SLC12A3: variants seen among roughly 807,000 people sequenced by gnomAD.
SLC12A3 encodes Na-Cl cotransporter.
A neutral mutation model predicts 121.0 loss-of-function variants in SLC12A3; 104 were observed. The observed-to-expected ratio is 0.86, with a 90% CI of 0.73 to 1.01. The LOEUF (loss-of-function observed/expected upper bound fraction) is 1.01, where lower values mean the gene tolerates loss of function less well. Among genes scored for constraint, SLC12A3 ranks in the 50% least tolerant of loss-of-function variants. The pLI is 0.00. For missense variants in SLC12A3, 1,328 were observed against 1,356.3 expected (o/e 0.98, Z 0.33); for synonymous variants, 536 against 533.4 (o/e 1.00, Z -0.07).
At chr16:56,874,457 C>T (rs1457719689) in intron 8 of SLC12A3, among the ~76,000 whole-genome samples, 1 of 152,140 alleles carries the variant, frequency 6.6e-6, no homozygotes, top group Non-Finnish European at 1.5e-5. Context: ...CCCAAACCTC[C>T]AGTCTCATTT....
At chr16:56,888,891 A>G (rs1040385024) in intron 18 of SLC12A3, among the ~76,000 whole-genome samples, 4 of 152,118 alleles carry the variant, frequency 2.6e-5, no homozygotes, top group Non-Finnish European at 5.9e-5. Context: ...GTAACTGCAA[A>G]TGTGAGTTTT....
chr16:56,873,571 A>G (rs2055129957), intron 8 of SLC12A3, among the ~76,000 whole-genome samples: 2 of 149,510 alleles, frequency 1.3e-5, no homozygotes, highest in Admixed American at 1.3e-4. Flanking sequence ...ATTTTTTAGT[A>G]GAGATGGAGT....
intron 22 of SLC12A3, 145 bp downstream of exon 22, chr16:56,894,787 C>T: frequency 1.5e-6 from 1 of 659,276 alleles, no homozygotes; most frequent in Non-Finnish European, 2.7e-6. Context: ...CAGCTCTCTC[C>T]AGGCCATGGC....
At chr16:56,912,390 G>A (rs1295350639) in intron 25 of SLC12A3, among the ~76,000 whole-genome samples, 1 of 152,232 alleles carries the variant, frequency 6.6e-6, no homozygotes, top group Non-Finnish European at 1.5e-5. Context: ...ACGCAGCATT[G>A]CACAGTTAAG....
chr16:56,895,108 G>C (rs12446275), intron 22 of SLC12A3, among the ~76,000 whole-genome samples: 14,356 of 151,212 alleles, frequency 0.095, 879 homozygotes, highest in Middle Eastern at 0.16. Context: ...CAAGGCAGCT[G>C]GATCCAGGAG....
At chr16:56,870,022 G>A (rs1431885052) in intron 4 of SLC12A3, 74 bp from the exon 5 acceptor site, 3 of 1,589,296 alleles carry the variant, frequency 1.9e-6, no homozygotes, top group African/African-American at 2.7e-5. Flanking sequence ...CCCTCTCCTG[G>A]CCTCTGCCTG....
intron 22 of SLC12A3, among the ~76,000 whole-genome samples, chr16:56,898,474 G>A (rs2055495290): frequency 6.6e-6 from 1 of 152,130 alleles, no homozygotes; most frequent in Admixed American, 6.5e-5. Flanking sequence ...TAATCAGGAT[G>A]GTCTTGATCT....
rs1323758868 is a variant in SLC12A3, at chr16:56,868,390, G to A, written c.505+18G>A. 1 of 1,605,482 alleles carries A rather than the reference G, an allele frequency of 6.2e-7. No homozygotes were observed. Among genetic ancestry groups the A allele is most frequent in the Non-Finnish European group, 8.5e-7 (1 of 1,175,146 alleles). On this transcript the variant is annotated intron_variant, in intron 3 of 25. Coordinates refer to ENST00000563236, the MANE Select transcript of SLC12A3 (RefSeq NM_001126108.2). ...AGGCATCGGTGAGTGCCCCTCTGGG[G>A]AAGAGGAGGGAGGGCTTGCCTGAAT...
At chr16:56,865,650 C>A in intron 1 of SLC12A3, 133 bp downstream of exon 1, 2 of 990,254 alleles carry the variant, frequency 2.0e-6, no homozygotes, top group Non-Finnish European at 3.1e-6. Context: ...GGTTGAGAGG[C>A]CCCAGTGAAA....
At position 56,878,176 on chromosome 16, in the gene SLC12A3, C is replaced by G; in HGVS notation, c.1180+15C>G. 6.3e-7 allele frequency: 1 copy of G among 1,599,278 alleles called. No individual in the cohort carries two copies. Among genetic ancestry groups the G allele is most frequent in the Non-Finnish European group, 8.6e-7 (1 of 1,169,024 alleles). On this transcript the variant is annotated intron_variant, in intron 9 of 25. Coordinates refer to ENST00000563236, the MANE Select transcript of SLC12A3 (RefSeq NM_001126108.2). The stretch of plus-strand genomic sequence containing the variant: ...AGCCACCATTGGTAAGTGGCCGGCC[C>G]AGCCAGTCAGGAGGGGGAGGGACCT...
At chr16:56,879,972 G>A (rs1283249251) in intron 11 of SLC12A3, among the ~76,000 whole-genome samples, 158 bp from the exon 12 acceptor site, 2 of 152,112 alleles carry the variant, frequency 1.3e-5, no homozygotes, top group Non-Finnish European at 2.9e-5. Flanking sequence ...CGGGGAGGGT[G>A]GAGGGGGTGA....
intron 20 of SLC12A3, 139 bp from the exon 21 acceptor site, chr16:56,892,814 C>A: frequency 1.5e-6 from 1 of 685,674 alleles, no homozygotes. Context: ...CAGCACTGAG[C>A]GTCCTGGGCC....
rs1567427646 is a variant in SLC12A3 at position 56,870,641 on chromosome 16, A to G, written c.757A>G (p.Ile253Val). The G allele has an allele frequency of 6.2e-6, 10 of 1,609,178 alleles. No individual in the cohort carries two copies. The highest frequency in any genetic ancestry group is 7.7e-6 in the Non-Finnish European group (9 of 1,175,518). The change falls in exon 6 of 26, where the codon ATC becomes GTC. Residue 253 changes from isoleucine (I) to valine (V), a missense_variant. Ile to Val is a conservative substitution (Grantham distance 29). Coordinates refer to ENST00000563236, the MANE Select transcript of SLC12A3 (RefSeq NM_001126108.2). ...RDLLQEYGAP[I>V]VDPINDIRII... ...CCCTCCCCAGGAGTATGGGGCACCC[A>G]TCGTGGACCCCATTAACGACATCCG...
At chr16:56,870,803 G>T (rs2055085726) in intron 6 of SLC12A3, 67 bp downstream of exon 6, 2 of 925,238 alleles carry the variant, frequency 2.2e-6, no homozygotes, top group Non-Finnish European at 3.6e-6. Context: ...TGCCAGGCCT[G>T]GGCCCTCCCT....
chr16:56,882,007 C>T (rs898762650), intron 12 of SLC12A3, among the ~76,000 whole-genome samples: 15 of 151,342 alleles, frequency 9.9e-5, no homozygotes, highest in African/African-American at 3.6e-4. Flanking sequence ...CGAGATCACG[C>T]CACTGCACTC....
chr16:56,892,700 A>G (rs191333606), intron 20 of SLC12A3, among the ~76,000 whole-genome samples: 1 of 152,212 alleles, frequency 6.6e-6, no homozygotes, highest in East Asian at 1.9e-4. Flanking sequence ...GGGAATGGAG[A>G]GTGCACTTCC....
intron 8 of SLC12A3, among the ~76,000 whole-genome samples, chr16:56,873,603 G>T (rs2055130196): frequency 6.6e-6 from 1 of 151,540 alleles, no homozygotes; most frequent in Non-Finnish European, 1.5e-5. Flanking sequence ...GGCCAGGCTG[G>T]TCTCAAACTC....
At chr16:56,873,921 A>G (rs1414638251) in intron 8 of SLC12A3, among the ~76,000 whole-genome samples, 3 of 152,090 alleles carry the variant, frequency 2.0e-5, no homozygotes, top group Non-Finnish European at 2.9e-5. Context: ...CATGTTGGCC[A>G]GGCTGGTCTC....
intron 22 of SLC12A3, among the ~76,000 whole-genome samples, chr16:56,894,855 C>A (rs1483447187): frequency 6.6e-6 from 1 of 152,106 alleles, no homozygotes; most frequent in Non-Finnish European, 1.5e-5. Context: ...TGGTTTCCTG[C>A]CCCCTTCAAT....
Sources: gnomAD v4.1 joint callset for allele counts (sites outside exome capture counted in the v4.1 genomes callset) on GRCh38, gnomAD v4.1.1 for gene constraint, MANE v1.5 for transcripts, NCBI Gene and HGNC (gene_info 2026-07-23, HGNC 2026-07-21) for gene names.